The following SGIP1 variants were observed in gnomAD, a reference collection of about 807,000 sequenced individuals.
SGIP1 encodes SH3GL interacting endocytic adaptor 1.
Under a neutral mutation model 107.5 loss-of-function variants are expected in SGIP1, and 38 were observed. The ratio of observed to expected loss-of-function variants is 0.35; its 90% CI spans 0.27 to 0.46. The LOEUF (loss-of-function observed/expected upper bound fraction) is 0.46. SGIP1 is among the 20% of genes least tolerant of loss of function. The pLI, the probability that SGIP1 is intolerant of heterozygous loss-of-function variation, is 1.00. For missense variants in SGIP1, 929 were observed against 1,019.5 expected (o/e 0.91, Z 1.21); for synonymous variants, 365 against 366.1 (o/e 1.00, Z 0.03).
At chr1:66,568,885 A>G (rs527468783) in intron 1 of SGIP1, among the ~76,000 whole-genome samples, 55 of 152,132 alleles carry the variant, frequency 3.6e-4, no homozygotes, top group East Asian at 1.7e-3. Flanking sequence ...TAGTAATAGT[A>G]TCCAAAATTT....
chr1:66,741,509 T>G, intron 24 of SGIP1, 73 bp downstream of exon 24: 2 of 1,389,756 alleles, frequency 1.4e-6, no homozygotes, highest in Non-Finnish European at 1.9e-6. Context: ...GAATAGGTTG[T>G]GATTTTCTCA....
intron 7 of SGIP1, among the ~76,000 whole-genome samples, chr1:66,657,051 C>G (rs2079942811): frequency 6.6e-6 from 1 of 152,058 alleles, no homozygotes; most frequent in African/African-American, 2.4e-5. Flanking sequence ...TGGCATGCAC[C>G]TATAATCCCA....
At chr1:66,670,935 A>G in intron 9 of SGIP1, 60 bp from the exon 10 acceptor site, 2 of 768,632 alleles carry the variant, frequency 2.6e-6, no homozygotes, top group Non-Finnish European at 3.9e-6. Flanking sequence ...CAGAAATAAT[A>G]CATATTGTAC....
chr1:66,670,490 A>G (rs17129310), intron 9 of SGIP1, among the ~76,000 whole-genome samples: 11,911 of 152,288 alleles, frequency 0.078, 486 homozygotes, highest in South Asian at 0.098. Flanking sequence ...AATGGCAGAT[A>G]GTTCAAGTTT....
In SGIP1 at chr1:66,748,448, GATTGGCCC is replaced by G. The variant is rs2094582538; in HGVS notation, c.*5354_*5361del. On this transcript the variant is annotated 3_prime_UTR_variant, in exon 25 of 25. Coordinates refer to ENST00000371037, the MANE Select transcript of SGIP1 (RefSeq NM_032291.4). ...TTGAGTTGACCATGGTGAACCTCTT[GATTGGCCC>G]TCACATTTAATATCTGATTTCTCTC... The G allele has an allele frequency of 2.6e-5, 4 of 151,908 alleles. No individual in the cohort carries two copies. The highest frequency in any genetic ancestry group is 2.6e-4 in the Admixed American group (4 of 15,252). 9.4% of individuals were successfully genotyped at this position (151,908 alleles called of 1,614,324 possible).
chr1:66,694,442 C>T, intron 17 of SGIP1: 1 of 1,606,566 alleles, frequency 6.2e-7, no homozygotes, highest in South Asian at 1.1e-5. Flanking sequence ...TTCGTAGTGT[C>T]AGAAGACGAT....
chr1:66,625,091 G>A (rs2072295266), intron 1 of SGIP1, among the ~76,000 whole-genome samples: 1 of 152,194 alleles, frequency 6.6e-6, no homozygotes, highest in African/African-American at 2.4e-5. Context: ...ACTAATAGGT[G>A]ATACCATTTG....
intron 18 of SGIP1, among the ~76,000 whole-genome samples, chr1:66,716,485 T>C (rs2093250892): frequency 6.6e-6 from 1 of 152,164 alleles, no homozygotes; most frequent in Non-Finnish European, 1.5e-5. Flanking sequence ...ACCTACATTA[T>C]TGTCTCCTTC....
At chr1:66,561,738 T>G (rs1278340351) in intron 1 of SGIP1, among the ~76,000 whole-genome samples, 1 of 152,052 alleles carries the variant, frequency 6.6e-6, no homozygotes, top group Admixed American at 6.6e-5. Flanking sequence ...GCCCCTCAAG[T>G]ACTACGATGT....
Position 66,743,812 on chromosome 1 carries a change from A to G in SGIP1, c.*717A>G, listed in dbSNP as rs1311681073. On this transcript the variant is annotated 3_prime_UTR_variant, in exon 25 of 25. Transcript: ENST00000371037. ...GGCCTCTTATTTTTATAACTTGTGT[A>G]AAAAGGGAAAGCAATTCATATTTAA... 6.6e-6 allele frequency: 1 copy of G among 152,628 alleles called. No homozygotes were observed. Among genetic ancestry groups the G allele is most frequent in the African/African-American group, 2.4e-5 (1 of 41,464 alleles). 9.5% of individuals were successfully genotyped at this position (152,628 alleles called of 1,614,324 possible). A position where few individuals can be genotyped will look rare whatever the true frequency, so the allele number is the denominator to read the frequency against.
At chr1:66,552,132 AC>A (rs1169341042) in intron 1 of SGIP1, among the ~76,000 whole-genome samples, 1 of 152,106 alleles carries the variant, frequency 6.6e-6, no homozygotes, top group Non-Finnish European at 1.5e-5. Context: ...CACTGTGTTT[AC>A]CACCAGGCAT....
chr1:66,576,986 C>T (rs2061155868), intron 1 of SGIP1, among the ~76,000 whole-genome samples: 1 of 152,186 alleles, frequency 6.6e-6, no homozygotes, highest in African/African-American at 2.4e-5. Context: ...GCAGTGAGAG[C>T]TGAGGATGCT....
At chr1:66,717,945 G>GT (rs1194635520) in intron 18 of SGIP1, among the ~76,000 whole-genome samples, 1 of 152,250 alleles carries the variant, frequency 6.6e-6, no homozygotes. Flanking sequence ...ACGACCATGT[G>GT]TTTTTGAATC....
chr1:66,559,647 G>A (rs1475649502), intron 1 of SGIP1, among the ~76,000 whole-genome samples: 1 of 151,984 alleles, frequency 6.6e-6, no homozygotes, highest in Non-Finnish European at 1.5e-5. Context: ...TCAGTACATG[G>A]CTGTGACTGT....
At chr1:66,578,527 T>G (rs540978910) in intron 1 of SGIP1, among the ~76,000 whole-genome samples, 21 of 152,150 alleles carry the variant, frequency 1.4e-4, no homozygotes, top group Non-Finnish European at 2.8e-4. Context: ...GTAAAGCAAT[T>G]GTTTTTATTC....
intron 7 of SGIP1, 54 bp from the exon 8 acceptor site, chr1:66,660,459 A>T: frequency 7.4e-6 from 11 of 1,492,508 alleles, no homozygotes; most frequent in African/African-American, 1.4e-5. Context: ...TTGAAAATAC[A>T]TTTCACCTCT....
intron 1 of SGIP1, 85 bp downstream of exon 1, chr1:66,534,453 T>C (rs1487882983): frequency 2.0e-6 from 3 of 1,507,114 alleles, no homozygotes; most frequent in East Asian, 2.3e-5. Context: ...CCAGTGTATG[T>C]GGCGGTTCTA....
At chr1:66,689,921 A>G (rs1407268688) in intron 16 of SGIP1, among the ~76,000 whole-genome samples, 3 of 152,244 alleles carry the variant, frequency 2.0e-5, no homozygotes, top group Non-Finnish European at 4.4e-5. Flanking sequence ...CCCTGAGGGC[A>G]TGTGAGTTCA....
intron 1 of SGIP1, among the ~76,000 whole-genome samples, chr1:66,574,902 G>C (rs1163572014): frequency 6.6e-6 from 1 of 152,126 alleles, no homozygotes; most frequent in Non-Finnish European, 1.5e-5. Flanking sequence ...CTGATATTTT[G>C]GAGCGTTAAA....
Sources: allele counts gnomAD v4.1 joint callset (sites outside exome capture counted in the v4.1 genomes callset), GRCh38; gene constraint gnomAD v4.1.1; transcripts MANE v1.5; gene names NCBI Gene and HGNC (gene_info 2026-07-23, HGNC 2026-07-21).